CCDC192: variants seen among roughly 807,000 people sequenced by gnomAD.
The protein encoded by CCDC192 is coiled-coil domain containing 192.
intron 5 of CCDC192, among the ~76,000 whole-genome samples, chr5:127,869,289 G>A (rs893886376): frequency 5.9e-5 from 9 of 151,970 alleles, no homozygotes; most frequent in South Asian, 4.1e-4. Context: ...ACACCACTGC[G>A]TTCCACCCTG....
intron 5 of CCDC192, among the ~76,000 whole-genome samples, chr5:127,858,285 C>G (rs1751190295): frequency 6.6e-6 from 1 of 152,204 alleles, no homozygotes; most frequent in Admixed American, 6.5e-5. Flanking sequence ...GCCCGAGGCC[C>G]TCTGGATTTC....
At chr5:127,837,818 T>C (rs1046160810) in intron 5 of CCDC192, among the ~76,000 whole-genome samples, 2 of 152,054 alleles carry the variant, frequency 1.3e-5, no homozygotes, top group Non-Finnish European at 2.9e-5. Context: ...TGAAACCTCA[T>C]CTCTAGTAAA....
intron 5 of CCDC192, among the ~76,000 whole-genome samples, chr5:127,807,917 A>G (rs2126993300): frequency 6.6e-6 from 1 of 152,210 alleles, no homozygotes; most frequent in African/African-American, 2.4e-5. Context: ...GAGCTACTTT[A>G]TTGAATGGCA....
chr5:127,708,093 C>T (rs1751073937), intron 2 of CCDC192, among the ~76,000 whole-genome samples: 1 of 152,068 alleles, frequency 6.6e-6, no homozygotes, highest in Admixed American at 6.6e-5. Flanking sequence ...TTTGAAGTGT[C>T]AGCTTGTGTA....
intron 6 of CCDC192, among the ~76,000 whole-genome samples, chr5:127,912,215 C>T (rs1753386830): frequency 6.6e-6 from 1 of 151,646 alleles, no homozygotes; most frequent in Non-Finnish European, 1.5e-5. Flanking sequence ...CAGGCGTGAG[C>T]AACTGCTCCC....
intron 3 of CCDC192, among the ~76,000 whole-genome samples, chr5:127,767,719 T>C (rs1246475456): frequency 6.6e-6 from 1 of 152,182 alleles, no homozygotes; most frequent in Non-Finnish European, 1.5e-5. Context: ...TCCCTAACTT[T>C]ATATTTCAAT....
At chr5:127,752,553 CT>C (rs1462995299) in intron 2 of CCDC192, among the ~76,000 whole-genome samples, 9 of 152,222 alleles carry the variant, frequency 5.9e-5, no homozygotes, top group Non-Finnish European at 1.0e-4. Flanking sequence ...GCAGAGGTTA[CT>C]GCTGTCTTTT....
chr5:127,841,854 G>A (rs149372400), intron 5 of CCDC192, among the ~76,000 whole-genome samples: 60 of 152,270 alleles, frequency 3.9e-4, no homozygotes, highest in African/African-American at 1.2e-3. Flanking sequence ...AACAGCTCTT[G>A]TTTCTACAGG....
At chr5:127,792,796 AAGG>A (rs1561491269) in intron 3 of CCDC192, among the ~76,000 whole-genome samples, 1 of 139,652 alleles carries the variant, frequency 7.2e-6, no homozygotes, top group African/African-American at 2.8e-5. Flanking sequence ...GAAGAAGAAG[AAGG>A]AGGAGGAGAA....
chr5:127,795,001 T>A (rs752660158), intron 3 of CCDC192, among the ~76,000 whole-genome samples: 1 of 152,156 alleles, frequency 6.6e-6, no homozygotes, highest in Non-Finnish European at 1.5e-5. Context: ...GTTTTACAAT[T>A]TGATAAATAG....
At chr5:127,869,113 A>G (rs1751736536) in intron 5 of CCDC192, among the ~76,000 whole-genome samples, 1 of 152,166 alleles carries the variant, frequency 6.6e-6, no homozygotes. Flanking sequence ...ATCTGAGGTC[A>G]GGAGTTCGAG....
chr5:127,875,012 C>A (rs1017098588), intron 5 of CCDC192, among the ~76,000 whole-genome samples: 2 of 151,432 alleles, frequency 1.3e-5, no homozygotes, highest in Non-Finnish European at 2.9e-5. Flanking sequence ...CTTTCTTACC[C>A]TTGACACTTT....
At chr5:127,867,106 G>A (rs1751645055) in intron 5 of CCDC192, among the ~76,000 whole-genome samples, 1 of 152,182 alleles carries the variant, frequency 6.6e-6, no homozygotes, top group South Asian at 2.1e-4. Context: ...TATTCATTGG[G>A]AAAGTTAATT....
chr5:127,719,787 TGAA>T (rs1413611830), intron 2 of CCDC192, among the ~76,000 whole-genome samples: 2 of 137,726 alleles, frequency 1.5e-5, no homozygotes, highest in Non-Finnish European at 3.1e-5. Context: ...TGGTGGAAGT[TGAA>T]GAAGAAGGAG....
intron 2 of CCDC192, among the ~76,000 whole-genome samples, chr5:127,718,805 A>G (rs1481882217): frequency 3.9e-5 from 6 of 152,172 alleles, no homozygotes; most frequent in Admixed American, 1.3e-4. Flanking sequence ...GGTACATAAG[A>G]TGAAATATTT....
intron 5 of CCDC192, among the ~76,000 whole-genome samples, chr5:127,801,381 G>A (rs996869871): frequency 1.3e-5 from 2 of 151,906 alleles, no homozygotes; most frequent in Non-Finnish European, 2.9e-5. Flanking sequence ...ACACCTGTGG[G>A]ACCTGACCTC....
At chr5:127,753,513 T>A (rs759636997) in intron 2 of CCDC192, among the ~76,000 whole-genome samples, 3 of 151,940 alleles carry the variant, frequency 2.0e-5, no homozygotes, top group Non-Finnish European at 4.4e-5. Flanking sequence ...CTGGCCAACA[T>A]GGGGAATCCA....
At chr5:127,751,960 C>G (rs1754204868) in intron 2 of CCDC192, among the ~76,000 whole-genome samples, 1 of 152,026 alleles carries the variant, frequency 6.6e-6, no homozygotes, top group Admixed American at 6.6e-5. Context: ...TGGTTTTCAG[C>G]TCCATCAGCT....
chr5:127,884,639 C>T (rs2127148628), intron 6 of CCDC192, among the ~76,000 whole-genome samples: 1 of 152,166 alleles, frequency 6.6e-6, no homozygotes, highest in Non-Finnish European at 1.5e-5. Flanking sequence ...TATCCTGGAC[C>T]ACACCTGAGT....
Sources: gnomAD v4.1 joint callset for allele counts (sites outside exome capture counted in the v4.1 genomes callset) on GRCh38, gnomAD v4.1.1 for gene constraint, MANE v1.5 for transcripts, NCBI Gene and HGNC (gene_info 2026-07-23, HGNC 2026-07-21) for gene names.